BARD1: variants seen among roughly 807,000 people sequenced by gnomAD.
BARD1 encodes BRCA1 associated RING domain 1, also known as BRCA1-associated RING domain protein 1.
In BARD1, 73 loss-of-function variants were observed where a neutral mutation model predicts 77.0. The ratio of observed to expected loss-of-function variants is 0.95; its 90% confidence interval spans 0.79 to 1.15. BARD1 has a LOEUF of 1.15. BARD1 is among the 50% of genes most tolerant of loss of function. BARD1 has a pLI of 0.00. For missense variants in BARD1, 993 were observed against 938.8 expected (o/e 1.06, Z -0.75); for synonymous variants, 384 against 338.0 (o/e 1.14, Z -1.49).
chr2:214,768,423 C>T (rs1201684410), intron 5 of BARD1, among the ~76,000 whole-genome samples: 3 of 148,724 alleles, frequency 2.0e-5, no homozygotes, highest in Admixed American at 6.7e-5. Context: ...TACAACTTGC[C>T]TTAGTGGCTT....
At position 214,751,103 on chromosome 2, in the gene BARD1, GTGTGTGTGTGTGTGTATATATA is replaced by G. The variant is rs1189904318; in HGVS notation, c.1677+1322_1677+1343del. ...TCTGTGTGTGTGTGTGTGTGTGTGTGTGTGTGTGTGTGTGTATATATATATATATATATATATATATATATAT... is the reference window on the plus strand; with the variant it reads ...TCTGTGTGTGTGTGTGTGTGTGTGTGTATATATATATATATATATATATAT... On this transcript the variant is annotated intron_variant, in intron 7 of 10. Transcript: ENST00000260947. Among the ~76,000 whole-genome samples, 163 of 17,586 alleles carry G rather than the reference GTGTGTGTGTGTGTGTATATATA, an allele frequency of 9.3e-3. 11 individuals are homozygous for G. The highest frequency in any genetic ancestry group is 0.023 in the Admixed American group (35 of 1,512). 11.5% of individuals were successfully genotyped at this position (17,586 alleles called of 152,430 possible).
chr2:214,775,071 C>T (rs541238379), intron 4 of BARD1, among the ~76,000 whole-genome samples: 7 of 152,242 alleles, frequency 4.6e-5, no homozygotes, highest in South Asian at 4.1e-4. Flanking sequence ...CTCCTCATAT[C>T]GGCAGTAAGG....
chr2:214,786,531 T>A (rs1370912580), intron 3 of BARD1, among the ~76,000 whole-genome samples: 2 of 151,970 alleles, frequency 1.3e-5, no homozygotes, highest in Non-Finnish European at 1.5e-5. Flanking sequence ...TATATTTACC[T>A]GGTAAAAGAA....
At chr2:214,791,324 T>C (rs957599401) in intron 3 of BARD1, among the ~76,000 whole-genome samples, 5 of 152,192 alleles carry the variant, frequency 3.3e-5, no homozygotes, top group Non-Finnish European at 7.4e-5. Flanking sequence ...ATCAACTTCA[T>C]CTTTAGCTGA....
intron 6 of BARD1, among the ~76,000 whole-genome samples, chr2:214,755,801 C>T (rs34553657): frequency 0.49 from 74,279 of 151,936 alleles, 18,318 homozygotes; most frequent in Middle Eastern, 0.56. Flanking sequence ...AGACACAAAG[C>T]GTATGTTGCT....
At chr2:214,744,452 A>G (rs1692999143) in intron 9 of BARD1, among the ~76,000 whole-genome samples, 1 of 152,234 alleles carries the variant, frequency 6.6e-6, no homozygotes, top group Admixed American at 6.5e-5. Context: ...ATGTGTTATT[A>G]AATTCAATAT....
intron 3 of BARD1, among the ~76,000 whole-genome samples, chr2:214,782,738 T>C (rs1158739798): frequency 1.3e-5 from 2 of 152,108 alleles, no homozygotes; most frequent in Non-Finnish European, 2.9e-5. Context: ...ATGTAAATGA[T>C]GTAAAGGAAA....
rs573486008 is a variant in BARD1 at position 214,773,521 on chromosome 2, A to G, written c.1315-4209T>C. Among the ~76,000 whole-genome samples the G allele has an allele frequency of 3.3e-5, 5 of 152,354 alleles. No individual in the cohort carries two copies. The East Asian group carries it at 9.6e-4, about 29-fold the overall frequency. ...CAGTTCAGTTCCAGGTCACTGCGAT[A>G]AAGCAAATATTGCAATAAAACAAGT... On this transcript the variant is annotated intron_variant, in intron 4 of 10. Transcript: ENST00000260947.
chr2:214,758,568 TAAC>T (rs998566445), intron 6 of BARD1, among the ~76,000 whole-genome samples: 3 of 152,204 alleles, frequency 2.0e-5, no homozygotes, highest in African/African-American at 7.2e-5. Flanking sequence ...TATGTCTTCT[TAAC>T]AACATTCTAA....
intron 7 of BARD1, among the ~76,000 whole-genome samples, chr2:214,747,632 C>T (rs1693191021): frequency 6.9e-6 from 1 of 145,224 alleles, no homozygotes; most frequent in African/African-American, 2.6e-5. Context: ...CGCATGTTCT[C>T]ACTCATAGGT....
At chr2:214,732,545 G>A (rs983222984) in intron 9 of BARD1, among the ~76,000 whole-genome samples, 34 of 151,958 alleles carry the variant, frequency 2.2e-4, no homozygotes, top group African/African-American at 7.3e-4. Flanking sequence ...ACAGGCGCCC[G>A]CCACCATGTC....
At chr2:214,740,819 TA>T (rs1692788918) in intron 9 of BARD1, among the ~76,000 whole-genome samples, 1 of 152,228 alleles carries the variant, frequency 6.6e-6, no homozygotes, top group East Asian at 1.9e-4. Context: ...CAAAGGATGT[TA>T]TTTTTTTTTA....
chr2:214,803,444 T>A (rs1219150526), intron 1 of BARD1, among the ~76,000 whole-genome samples: 3 of 152,198 alleles, frequency 2.0e-5, no homozygotes, highest in Admixed American at 6.5e-5. Flanking sequence ...TTCCATCTAC[T>A]GAGATAGGGA....
At chr2:214,735,671 C>A (rs1362365666) in intron 9 of BARD1, among the ~76,000 whole-genome samples, 5 of 152,080 alleles carry the variant, frequency 3.3e-5, no homozygotes, top group African/African-American at 1.2e-4. Context: ...GTATTTCACA[C>A]TGAAATATAA....
chr2:214,787,265 G>A (rs973513436), intron 3 of BARD1, among the ~76,000 whole-genome samples: 3 of 151,566 alleles, frequency 2.0e-5, no homozygotes, highest in African/African-American at 4.8e-5. Flanking sequence ...TTCATACTCA[G>A]GTGTACATAT....
intron 1 of BARD1, among the ~76,000 whole-genome samples, chr2:214,805,569 C>T (rs938135415): frequency 2.6e-5 from 4 of 152,124 alleles, no homozygotes; most frequent in Non-Finnish European, 4.4e-5. Flanking sequence ...CAGCTCAAGG[C>T]ATCTTATGAA....
chr2:214,739,352 T>A lies in BARD1; in HGVS notation c.1903+5715A>T, dbSNP rs114289843. On this transcript the variant is annotated intron_variant, in intron 9 of 10. Coordinates refer to ENST00000260947, the MANE Select transcript of BARD1 (RefSeq NM_000465.4). ...AAACTAAAGATGTTTAAATTAGGGA[T>A]GTGTGTCACTCAAGATAACAGTATG... is the stretch of plus-strand genomic sequence containing the variant. 7.8e-3 allele frequency among the ~76,000 whole-genome samples: 1,182 copies of A among 152,294 alleles called. 14 individuals are homozygous for A. Among genetic ancestry groups the A allele is most frequent in the African/African-American group, 0.027 (1,108 of 41,572 alleles).
At position 214,781,242 on chromosome 2, in the gene BARD1, A is replaced by G. The variant is rs762171436; in HGVS notation, c.632T>C (p.Leu211Ser). The change falls in exon 4 of 11, where the codon TTA becomes TCA. Residue 211 changes from leucine to serine, a missense_variant. Transcript: ENST00000260947. ...ATTCCATTTTTGGTTGATTTCAGCT[A>G]AAGTTTTCTTTTTTTGCTTTTTTCC... is the stretch of plus-strand genomic sequence containing the variant. Reference protein sequence around the residue: ...RSGKKQKKKTLAEINQKWNLE... With the variant: ...RSGKKQKKKTSAEINQKWNLE... 29 of 1,595,312 alleles carry G rather than the reference A, an allele frequency of 1.8e-5. No homozygotes were observed. Among genetic ancestry groups the G allele is most frequent in the Non-Finnish European group, 2.4e-5 (28 of 1,175,520 alleles).
chr2:214,728,713 C>T lies in BARD1; in HGVS notation c.2297G>A (p.Cys766Tyr), dbSNP rs1692192234. 1 of 1,614,202 alleles carries T rather than the reference C, an allele frequency of 6.2e-7. No homozygotes were observed. Among genetic ancestry groups the T allele is most frequent in the Non-Finnish European group, 8.5e-7 (1 of 1,180,024 alleles). ...WKAPSSWFIDCVMSFELLPLD... is the reference protein window; with the variant it reads ...WKAPSSWFIDYVMSFELLPLD... ...AGGAAGCAACTCAAAGGACATCACA[C>T]AGTCTATAAACCAGCTCGAAGGAGC... Residue 766 changes from cysteine to tyrosine, a missense_variant, in exon 11 of 11, where the codon TGT (cysteine) becomes TAT (tyrosine). Cys to Tyr is a radical substitution (Grantham distance 194). Coordinates refer to ENST00000260947, the MANE Select transcript of BARD1 (RefSeq NM_000465.4).
Sources: allele counts gnomAD v4.1 joint callset (sites outside exome capture counted in the v4.1 genomes callset), GRCh38; gene constraint gnomAD v4.1.1; transcripts MANE v1.5; gene names NCBI Gene and HGNC (gene_info 2026-07-23, HGNC 2026-07-21).